Variants in DCDC1 observed in about 807,000 individuals in gnomAD.
DCDC1 encodes doublecortin domain-containing protein 1.
DCDC1 carries 200 observed loss-of-function variants against 178.3 expected under a neutral mutation model. The ratio of observed to expected loss-of-function variants is 1.12; its 90% confidence interval spans 1.00 to 1.26. The LOEUF is 1.26. Among genes scored for constraint, DCDC1 ranks in the 50% most tolerant of loss-of-function variants. The probability of loss-of-function intolerance (pLI) is 0.00; values close to 1 mark genes in which losing one functional copy is unlikely to be tolerated. For missense variants in DCDC1, 1,983 were observed against 1,749.2 expected (o/e 1.13, Z -2.38); for synonymous variants, 690 against 604.8 (o/e 1.14, Z -2.07).
At chr11:31,049,466 A>C (rs1395614889) in intron 20 of DCDC1, among the ~76,000 whole-genome samples, 1 of 152,220 alleles carries the variant, frequency 6.6e-6, no homozygotes, top group East Asian at 1.9e-4. Context: ...TCTAGACAAG[A>C]ATTAAAGATG....
At chr11:31,104,647 AG>A (rs1164488694) in intron 13 of DCDC1, among the ~76,000 whole-genome samples, 2 of 152,110 alleles carry the variant, frequency 1.3e-5, no homozygotes, top group Admixed American at 6.5e-5. Flanking sequence ...TGTATATTAG[AG>A]GATATTACAT....
intron 20 of DCDC1, among the ~76,000 whole-genome samples, chr11:31,044,980 G>A (rs1208190603): frequency 6.6e-6 from 1 of 152,138 alleles, no homozygotes; most frequent in East Asian, 1.9e-4. Context: ...CACAGTGAGA[G>A]AGATGTTATT....
chr11:31,137,822 T>G, intron 9 of DCDC1, 38 bp from the exon 10 acceptor site: 1 of 695,724 alleles, frequency 1.4e-6, no homozygotes. Flanking sequence ...AGCAGGTATC[T>G]ATTGACACCT....
chr11:31,279,201 T>C (rs1946225487), intron 7 of DCDC1, among the ~76,000 whole-genome samples: 1 of 152,180 alleles, frequency 6.6e-6, no homozygotes, highest in African/African-American at 2.4e-5. Context: ...ATTTCATGTG[T>C]TTGAGTGTTG....
chr11:31,070,565 T>A (rs779979578), intron 18 of DCDC1, among the ~76,000 whole-genome samples: 11 of 152,342 alleles, frequency 7.2e-5, no homozygotes, highest in Non-Finnish European at 1.5e-4. Context: ...ATCCTGGTTT[T>A]AAATTCCAGC....
intron 8 of DCDC1, among the ~76,000 whole-genome samples, chr11:31,245,915 C>A (rs547370770): frequency 6.6e-6 from 1 of 151,976 alleles, no homozygotes; most frequent in African/African-American, 2.4e-5. Flanking sequence ...TGTGAACTTA[C>A]TTGGGATACA....
At chr11:31,046,718 C>T (rs1471187261) in intron 20 of DCDC1, among the ~76,000 whole-genome samples, 2 of 151,458 alleles carry the variant, frequency 1.3e-5, no homozygotes, top group African/African-American at 4.8e-5. Flanking sequence ...TGACCTACCT[C>T]GTGATGAGAG....
At chr11:30,942,358 T>C (rs1947710791) in intron 21 of DCDC1, among the ~76,000 whole-genome samples, 1 of 152,182 alleles carries the variant, frequency 6.6e-6, no homozygotes, top group African/African-American at 2.4e-5. Context: ...GAAAATCAAC[T>C]TTTATACTAG....
At chr11:31,075,999 A>G (rs190168982) in intron 18 of DCDC1, among the ~76,000 whole-genome samples, 36 of 152,202 alleles carry the variant, frequency 2.4e-4, no homozygotes, top group Non-Finnish European at 4.6e-4. Context: ...AGCTGGGATT[A>G]CAGGCATGTA....
At chr11:30,945,567 C>A (rs1403464549) in intron 21 of DCDC1, among the ~76,000 whole-genome samples, 10 of 151,860 alleles carry the variant, frequency 6.6e-5, no homozygotes, top group Non-Finnish European at 1.0e-4. Flanking sequence ...GTGGCACATG[C>A]CTGTAATCCC....
At chr11:30,866,272 C>T (rs561074543) in intron 38 of DCDC1, among the ~76,000 whole-genome samples, 4 of 152,204 alleles carry the variant, frequency 2.6e-5, no homozygotes, top group Admixed American at 1.3e-4. Context: ...AGAAAAAATA[C>T]AAATTTATTT....
intron 20 of DCDC1, among the ~76,000 whole-genome samples, chr11:30,997,528 A>G (rs544967071): frequency 6.6e-6 from 1 of 152,238 alleles, no homozygotes; most frequent in Non-Finnish European, 1.5e-5. Context: ...ATAAAAAGAC[A>G]AAGACAAAAA....
At chr11:31,209,215 A>C (rs1485206117) in intron 9 of DCDC1, among the ~76,000 whole-genome samples, 1 of 152,244 alleles carries the variant, frequency 6.6e-6, no homozygotes, top group East Asian at 1.9e-4. Context: ...ACACTACTGA[A>C]GCTACCCAGA....
chr11:30,980,462 C>T (rs1950335976), intron 20 of DCDC1, among the ~76,000 whole-genome samples: 1 of 152,100 alleles, frequency 6.6e-6, no homozygotes, highest in Non-Finnish European at 1.5e-5. Context: ...TGTACAACTC[C>T]TAGTACTGAA....
chr11:30,977,711 C>T (rs1472674879), intron 20 of DCDC1, among the ~76,000 whole-genome samples: 2 of 152,064 alleles, frequency 1.3e-5, no homozygotes, highest in African/African-American at 2.4e-5. Context: ...GGGCAGATTG[C>T]CTGAGCTCAG....
In DCDC1 at chr11:31,306,322, G is replaced by C; in HGVS notation, c.501C>G (p.His167Gln). ...ARNWQKLSQR[H>Q]KLQPRVIKVT... ...CTTTAATCACTCTTGGTTGAAGTTT[G>C]TGTCTTTGAGACAATTTCTGCCAAT... is the stretch of plus-strand genomic sequence containing the variant. The change falls in exon 5 of 39, where the codon CAC becomes CAG. Residue 167 changes from histidine (H) to glutamine (Q), a missense_variant. Physicochemically the swap from His to Gln is conservative, Grantham distance 24. Transcript: ENST00000684477. 6.2e-7 allele frequency: 1 copy of C among 1,610,558 alleles called. No homozygotes were observed. Among genetic ancestry groups the C allele is most frequent in the East Asian group, 2.2e-5 (1 of 44,548 alleles).
chr11:31,010,140 T>C (rs1318527523), intron 20 of DCDC1, among the ~76,000 whole-genome samples: 1 of 152,248 alleles, frequency 6.6e-6, no homozygotes, highest in Admixed American at 6.5e-5. Context: ...TAATCTCTTC[T>C]GGAAACACCC....
chr11:31,288,574 C>A (rs1176612268), intron 7 of DCDC1, among the ~76,000 whole-genome samples: 1 of 151,828 alleles, frequency 6.6e-6, no homozygotes, highest in Non-Finnish European at 1.5e-5. Flanking sequence ...TATTGTACCA[C>A]CCATTCTCAA....
chr11:31,156,972 AGAT>A (rs1361884040), intron 9 of DCDC1, among the ~76,000 whole-genome samples: 1 of 152,252 alleles, frequency 6.6e-6, no homozygotes, highest in East Asian at 1.9e-4. Context: ...GAATGAAAGT[AGAT>A]GATAAAAATA....
Sources: gnomAD v4.1 joint callset for allele counts (sites outside exome capture counted in the v4.1 genomes callset) on GRCh38, gnomAD v4.1.1 for gene constraint, MANE v1.5 for transcripts, NCBI Gene and HGNC (gene_info 2026-07-23, HGNC 2026-07-21) for gene names.